The following SEL1L variants were observed in gnomAD, a reference collection of about 807,000 sequenced individuals.
The protein encoded by SEL1L is SEL1L adaptor subunit of SYVN1 ubiquitin ligase.
SEL1L carries 52 observed loss-of-function variants against 109.8 expected under a neutral mutation model. The ratio of observed to expected loss-of-function variants is 0.47; its 90% CI spans 0.38 to 0.60. SEL1L has a LOEUF of 0.60. SEL1L is among the 20% of genes least tolerant of loss of function. The pLI, the probability that SEL1L is intolerant of heterozygous loss-of-function variation, is 0.00. For missense variants in SEL1L, 749 were observed against 962.2 expected, an observed-to-expected ratio of 0.78 and a Z score of 2.93; for synonymous variants, 373 against 339.6, an observed-to-expected ratio of 1.10 and a Z score of -1.08.
At chr14:81,486,970 CT>C (rs139733784) in intron 16 of SEL1L, among the ~76,000 whole-genome samples, 12,973 of 136,340 alleles carry the variant, frequency 0.095, 1,178 homozygotes, top group African/African-American at 0.25. Flanking sequence ...TTCTTTCTTT[CT>C]TTTTTTTTTT....
chr14:81,519,307 C>T (rs568275804), intron 3 of SEL1L, among the ~76,000 whole-genome samples: 3 of 152,306 alleles, frequency 2.0e-5, no homozygotes, highest in Admixed American at 1.3e-4. Flanking sequence ...TTCTAGTCTT[C>T]CACTATGACA....
intron 4 of SEL1L, 124 bp downstream of exon 4, chr14:81,505,949 TA>T: frequency 1.1e-6 from 1 of 894,752 alleles, no homozygotes; most frequent in Non-Finnish European, 1.7e-6. Context: ...TTTAAGGCTG[TA>T]ATGACATCAG....
intron 19 of SEL1L, among the ~76,000 whole-genome samples, chr14:81,482,361 G>C (rs1457263303): frequency 6.6e-6 from 1 of 152,036 alleles, no homozygotes; most frequent in Non-Finnish European, 1.5e-5. Context: ...CTTTATATTA[G>C]TCATGTTAAA....
chr14:81,526,465 CT>C (rs1294195619), intron 3 of SEL1L, among the ~76,000 whole-genome samples: 1 of 152,114 alleles, frequency 6.6e-6, no homozygotes, highest in East Asian at 1.9e-4. Flanking sequence ...TATTTACATA[CT>C]TGATTCCAAA....
intron 8 of SEL1L, 145 bp downstream of exon 8, chr14:81,499,314 A>G: frequency 7.1e-7 from 1 of 1,407,676 alleles, no homozygotes; most frequent in Non-Finnish European, 9.3e-7. Flanking sequence ...TATATCCATT[A>G]ACAAGAATTT....
intron 11 of SEL1L, among the ~76,000 whole-genome samples, chr14:81,494,278 A>G (rs1054736009): frequency 3.9e-5 from 6 of 152,162 alleles, no homozygotes; most frequent in African/African-American, 7.2e-5. Flanking sequence ...TGTTACATTT[A>G]CCACCAAATA....
At chr14:81,489,230 G>C (rs773576489) in intron 14 of SEL1L, 22 bp downstream of exon 14, 9 of 1,605,680 alleles carry the variant, frequency 5.6e-6, no homozygotes, top group Middle Eastern at 1.7e-4. Flanking sequence ...ATTAAAGAGA[G>C]AATGTCAGAC....
chr14:81,490,586 T>C (rs996286666), intron 12 of SEL1L, 121 bp from the exon 13 acceptor site: 1 of 748,020 alleles, frequency 1.3e-6, no homozygotes, highest in Admixed American at 2.5e-5. Context: ...AAATTTAGAA[T>C]TCCCCACAGG....
chr14:81,476,939 G>C lies in SEL1L; in HGVS notation c.*33C>G. On this transcript the variant is annotated 3_prime_UTR_variant, in exon 21 of 21. Transcript: ENST00000336735. ...GTGTTCCCAGCAGATAACTTCCTTC[G>C]CTGTCACTGATCAAGGCTGGACCCA... The C allele has an allele frequency of 6.2e-7, 1 of 1,604,866 alleles. No individual in the cohort carries two copies. The highest frequency in any genetic ancestry group is 8.5e-7 in the Non-Finnish European group (1 of 1,172,918).
intron 20 of SEL1L, among the ~76,000 whole-genome samples, chr14:81,478,553 G>T (rs1903243294): frequency 6.6e-6 from 1 of 152,152 alleles, no homozygotes; most frequent in Non-Finnish European, 1.5e-5. Context: ...AGAGAAAGAG[G>T]AGGCTGCCAC....
At chr14:81,485,015 T>C (rs536046193) in intron 18 of SEL1L, among the ~76,000 whole-genome samples, 5 of 152,296 alleles carry the variant, frequency 3.3e-5, no homozygotes, top group East Asian at 3.9e-4. Flanking sequence ...GAAAGGAACA[T>C]GTATAAAAAA....
chr14:81,489,314 C>T lies in SEL1L; in HGVS notation c.1333G>A (p.Gly445Ser). 6.2e-7 allele frequency: 1 copy of T among 1,613,482 alleles called. No homozygotes were observed. The highest frequency in any genetic ancestry group is 8.5e-7 in the Non-Finnish European group (1 of 1,179,670). Reference sequence around the variant, plus strand: ...AGCCCACTCTGTCCAACTGGGTTGCCCTGCAAAGCAGAGAAATCAGACAAA... The same window carrying T: ...AGCCCACTCTGTCCAACTGGGTTGCTCTGCAAAGCAGAGAAATCAGACAAA... ...LHYFKKAADM[G>S]NPVGQSGLGM... Residue 445 changes from glycine (G) to serine (S), a missense_variant and splice_region_variant, in exon 14 of 21, where the codon GGC (glycine) becomes AGC (serine). Transcript: ENST00000336735.
chr14:81,478,255 T>A (rs1231294000), intron 20 of SEL1L, among the ~76,000 whole-genome samples: 1 of 152,158 alleles, frequency 6.6e-6, no homozygotes, highest in Non-Finnish European at 1.5e-5. Context: ...AACCACTAAT[T>A]GTGTTCTCTG....
intron 8 of SEL1L, 39 bp downstream of exon 8, chr14:81,499,420 G>T: frequency 6.3e-7 from 1 of 1,592,962 alleles, no homozygotes; most frequent in Non-Finnish European, 8.5e-7. Flanking sequence ...AAATTCTTCT[G>T]ATGTTAATAT....
chr14:81,498,188 A>G, intron 9 of SEL1L, 142 bp from the exon 10 acceptor site: 1 of 906,094 alleles, frequency 1.1e-6, no homozygotes, highest in African/African-American at 1.7e-5. Context: ...TATAGATCGC[A>G]AATCAGTAAT....
chr14:81,497,291 A>C (rs1488902331), intron 10 of SEL1L, among the ~76,000 whole-genome samples: 3 of 152,208 alleles, frequency 2.0e-5, no homozygotes, highest in Non-Finnish European at 4.4e-5. Flanking sequence ...ATTAGAAATA[A>C]TTGCAAACTT....
At chr14:81,480,821 C>G (rs924572971) in intron 19 of SEL1L, among the ~76,000 whole-genome samples, 2 of 152,196 alleles carry the variant, frequency 1.3e-5, no homozygotes, top group Non-Finnish European at 2.9e-5. Context: ...TGAAAGGGAT[C>G]TGCTGAGAAT....
At chr14:81,513,095 A>G (rs73344189) in intron 3 of SEL1L, among the ~76,000 whole-genome samples, 273 of 152,234 alleles carry the variant, frequency 1.8e-3, no homozygotes, top group African/African-American at 6.3e-3. Flanking sequence ...ACATGCACCA[A>G]TCAGCACTCT....
rs938476146 is a variant in SEL1L at position 81,471,761 on chromosome 14, C to T, written c.*5211G>A. On this transcript the variant is annotated 3_prime_UTR_variant, in exon 21 of 21. Transcript: ENST00000336735. ...AGTTCTACTCAAAATATAATACTAC[C>T]AATAAACTACTAGCATAGTGAATTT... The T allele has an allele frequency of 6.6e-6, 1 of 152,112 alleles. No homozygotes were observed. Among genetic ancestry groups the T allele is most frequent in the Non-Finnish European group, 1.5e-5 (1 of 68,010 alleles). 9.4% of individuals were successfully genotyped at this position (152,112 alleles called of 1,614,324 possible).
Sources: gnomAD v4.1 joint callset for allele counts (sites outside exome capture counted in the v4.1 genomes callset) on GRCh38, gnomAD v4.1.1 for gene constraint, MANE v1.5 for transcripts, NCBI Gene and HGNC (gene_info 2026-07-23, HGNC 2026-07-21) for gene names.